Variants in LSAMP observed in about 807,000 individuals in gnomAD.
LSAMP encodes limbic system associated membrane protein, also known as limbic system-associated membrane protein.
LSAMP carries 7 observed loss-of-function variants against 38.6 expected under a neutral mutation model. The ratio of observed to expected loss-of-function variants is 0.18; its 90% confidence interval spans 0.10 to 0.34. The LOEUF (loss-of-function observed/expected upper bound fraction) is 0.34. Ranked by LOEUF, LSAMP falls within the 10% of genes least tolerant of loss-of-function variation. The probability of loss-of-function intolerance (pLI) is 1.00; values close to 1 mark genes in which losing one functional copy is unlikely to be tolerated. For missense variants in LSAMP, 313 were observed against 420.0 expected (o/e 0.75, Z 2.23); for synonymous variants, 154 against 166.8 (o/e 0.92, Z 0.59).
At chr3:116,438,894 T>A (rs2049391661) in intron 1 of LSAMP, among the ~76,000 whole-genome samples, 2 of 152,194 alleles carry the variant, frequency 1.3e-5, no homozygotes, top group South Asian at 4.1e-4. Flanking sequence ...CTATTTCCTC[T>A]CTCCCGTTTG....
intron 1 of LSAMP, among the ~76,000 whole-genome samples, chr3:116,266,399 A>G (rs1175866227): frequency 6.6e-6 from 1 of 152,172 alleles, no homozygotes; most frequent in Non-Finnish European, 1.5e-5. Context: ...GAACTTTGAG[A>G]GAGGGCAGAA....
chr3:116,273,892 C>T lies in LSAMP; in HGVS notation c.155+170985G>A, dbSNP rs568422467. On this transcript the variant is annotated intron_variant, in intron 1 of 6. Transcript: ENST00000490035. ...TTCTAATCCACGGTCAAACACCTTC[C>T]TAGCATGCATTGGTAAAAGGTGTTT... Among the ~76,000 whole-genome samples, 26 of 149,874 alleles carry T rather than the reference C, an allele frequency of 1.7e-4. 1 individual carries two copies. Among genetic ancestry groups the T allele is most frequent in the African/African-American group, 5.7e-4 (23 of 40,554 alleles).
chr3:115,897,427 TCC>T (rs936453596), intron 3 of LSAMP, among the ~76,000 whole-genome samples: 12 of 151,974 alleles, frequency 7.9e-5, no homozygotes, highest in African/African-American at 2.9e-4. Context: ...CCCTCTTCTC[TCC>T]ATGAAGAGAA....
chr3:116,126,813 G>T (rs1412606495), intron 1 of LSAMP, among the ~76,000 whole-genome samples: 1 of 152,122 alleles, frequency 6.6e-6, no homozygotes, highest in East Asian at 1.9e-4. Context: ...AGTGAGCTGA[G>T]ATCATGCCAC....
intron 3 of LSAMP, among the ~76,000 whole-genome samples, chr3:115,997,158 C>T (rs60065181): frequency 0.011 from 1,673 of 152,188 alleles, 28 homozygotes; most frequent in African/African-American, 0.039. Context: ...GCTAAGAATG[C>T]TACATTTAAA....
chr3:116,164,660 A>T, intron 1 of LSAMP, among the ~76,000 whole-genome samples: 1 of 138,706 alleles, frequency 7.2e-6, no homozygotes, highest in African/African-American at 2.7e-5. Flanking sequence ...AAATATATAT[A>T]TATAATCCAA....
At chr3:116,139,063 A>G (rs1225965263) in intron 1 of LSAMP, among the ~76,000 whole-genome samples, 1 of 151,880 alleles carries the variant, frequency 6.6e-6, no homozygotes, top group Admixed American at 6.6e-5. Context: ...GTATAAGTAT[A>G]TATAATATAC....
At position 116,030,623 on chromosome 3, in the gene LSAMP, G is replaced by GTT. The variant is rs565260005; in HGVS notation, c.389-10985_389-10984dup. Among the ~76,000 whole-genome samples the GTT allele has an allele frequency of 8.5e-5, 13 of 152,220 alleles. No homozygotes were observed. In the East Asian group the frequency reaches 2.5e-3, roughly 29 times the overall value. On this transcript the variant is annotated intron_variant, in intron 2 of 6. Coordinates refer to ENST00000490035, the MANE Select transcript of LSAMP (RefSeq NM_002338.5). ...AGATACTGTCCAACCAGAGCAGATG[G>GTT]TTTTACTTGGCAGAAATGTGGGTAG...
chr3:116,106,411 G>A (rs1322964636), intron 1 of LSAMP, among the ~76,000 whole-genome samples: 1 of 152,178 alleles, frequency 6.6e-6, no homozygotes, highest in Non-Finnish European at 1.5e-5. Context: ...TCTGGAATGA[G>A]ACTGGGGCCT....
chr3:115,925,274 G>C (rs1937473665), intron 3 of LSAMP, among the ~76,000 whole-genome samples: 1 of 152,116 alleles, frequency 6.6e-6, no homozygotes, highest in African/African-American at 2.4e-5. Context: ...AAAGAGGAGA[G>C]GGATCACTAC....
chr3:116,223,362 T>G (rs1420094804), intron 1 of LSAMP, among the ~76,000 whole-genome samples: 2 of 152,220 alleles, frequency 1.3e-5, no homozygotes, highest in Non-Finnish European at 2.9e-5. Flanking sequence ...AGGAACTGTT[T>G]TAACCAGTCA....
At chr3:116,151,373 G>T (rs1709607127) in intron 1 of LSAMP, among the ~76,000 whole-genome samples, 1 of 151,952 alleles carries the variant, frequency 6.6e-6, no homozygotes. Context: ...AGAATGTGTA[G>T]AGGTTAACCC....
intron 1 of LSAMP, among the ~76,000 whole-genome samples, chr3:116,318,464 T>C (rs1411932986): frequency 1.3e-5 from 2 of 152,178 alleles, no homozygotes; most frequent in Admixed American, 1.3e-4. Context: ...CTTACTGCCA[T>C]TCACTACTCA....
rs1438848165 is a variant in LSAMP, at chr3:116,404,037, A to G, written c.155+40840T>C. Reference sequence around the variant, plus strand: ...CCTTGGCCTCCCAAAGTCAGCTTAGAATTTTTTATATGTTAAAATAGGAGA... The same window carrying G: ...CCTTGGCCTCCCAAAGTCAGCTTAGGATTTTTTATATGTTAAAATAGGAGA... On this transcript the variant is annotated intron_variant, in intron 1 of 6. Coordinates refer to ENST00000490035, the MANE Select transcript of LSAMP (RefSeq NM_002338.5). 2.1e-4 allele frequency among the ~76,000 whole-genome samples: 32 copies of G among 151,982 alleles called. 1 individual carries two copies. Among genetic ancestry groups the G allele is most frequent in the Admixed American group, 2.1e-3 (32 of 15,234 alleles).
chr3:115,906,550 A>G (rs894287406), intron 3 of LSAMP, among the ~76,000 whole-genome samples: 2 of 152,162 alleles, frequency 1.3e-5, no homozygotes, highest in African/African-American at 4.8e-5. Flanking sequence ...GAAGGGAGGC[A>G]AAAAGGAAGA....
intron 3 of LSAMP, among the ~76,000 whole-genome samples, chr3:115,929,370 T>C (rs1937544938): frequency 6.6e-6 from 1 of 152,160 alleles, no homozygotes; most frequent in African/African-American, 2.4e-5. Context: ...GAAGGTCACA[T>C]GGAATTCTAC....
intron 3 of LSAMP, among the ~76,000 whole-genome samples, chr3:115,977,318 A>T (rs1272812688): frequency 6.6e-6 from 1 of 152,212 alleles, no homozygotes; most frequent in Admixed American, 6.5e-5. Flanking sequence ...GTTTAAATTT[A>T]CTCAGTAACA....
intron 1 of LSAMP, among the ~76,000 whole-genome samples, chr3:116,289,187 T>A (rs967194078): frequency 1.3e-5 from 2 of 152,096 alleles, no homozygotes; most frequent in East Asian, 1.9e-4. Context: ...AAGGAGTAAA[T>A]CAAGACTGGT....
intron 2 of LSAMP, among the ~76,000 whole-genome samples, chr3:116,039,799 G>A (rs980109285): frequency 6.6e-6 from 1 of 152,138 alleles, no homozygotes; most frequent in Non-Finnish European, 1.5e-5. Context: ...ACAGCAAATT[G>A]GCTGCAATAC....
Sources: gnomAD v4.1 joint callset for allele counts (sites outside exome capture counted in the v4.1 genomes callset) on GRCh38, gnomAD v4.1.1 for gene constraint, MANE v1.5 for transcripts, NCBI Gene and HGNC (gene_info 2026-07-23, HGNC 2026-07-21) for gene names.